MMP26: variants seen among roughly 807,000 people sequenced by gnomAD.
MMP26 encodes the protein matrix metalloproteinase-26.
Under a neutral mutation model 31.0 loss-of-function variants are expected in MMP26, and 33 were observed. That is an observed-to-expected ratio of 1.06 (90% CI 0.81 to 1.42). The LOEUF (loss-of-function observed/expected upper bound fraction) is 1.42, where lower values mean the gene tolerates loss of function less well. Among genes scored for constraint, MMP26 ranks in the 40% most tolerant of loss-of-function variants. MMP26 has a pLI of 0.00. For missense variants in MMP26, 347 were observed against 316.1 expected, an observed-to-expected ratio of 1.10 and a Z score of -0.74; for synonymous variants, 122 against 114.9, an observed-to-expected ratio of 1.06 and a Z score of -0.40.
chr11:4,848,195 T>C, intron 2 of MMP26: 1 of 1,541,988 alleles, frequency 6.5e-7, no homozygotes, highest in Non-Finnish European at 8.7e-7. Flanking sequence ...GAAACTTTAG[T>C]ATCAGGAGCC....
At chr11:4,792,627 C>T (rs1269740781) in intron 2 of MMP26, among the ~76,000 whole-genome samples, 1 of 152,118 alleles carries the variant, frequency 6.6e-6, no homozygotes, top group Non-Finnish European at 1.5e-5. Context: ...ATCAATAGTA[C>T]TTGGGTCATT....
At chr11:4,914,932 G>A (rs1341929147) in intron 2 of MMP26, 3 of 1,614,130 alleles carry the variant, frequency 1.9e-6, no homozygotes, top group South Asian at 2.2e-5. Context: ...AAACACAGGT[G>A]TTAAGGGCCT....
intron 2 of MMP26, chr11:4,923,982 T>C (rs1851228044): frequency 6.2e-7 from 1 of 1,614,044 alleles, no homozygotes; most frequent in Non-Finnish European, 8.5e-7. Context: ...TCAATGGACA[T>C]GGATAACAGA....
chr11:4,803,407 G>A (rs2053117), intron 2 of MMP26: 93,779 of 1,424,858 alleles, frequency 0.066, 6,265 homozygotes, highest in African/African-American at 0.32. Flanking sequence ...GGCAATGTAA[G>A]TGATGGGGAT....
intron 1 of MMP26, among the ~76,000 whole-genome samples, chr11:4,708,619 T>G (rs186735210): frequency 5.3e-4 from 80 of 152,284 alleles, no homozygotes; most frequent in African/African-American, 1.9e-3. Context: ...TTTCTATAGA[T>G]AAAAACAGTG....
Position 4,769,043 on chromosome 11 carries a change from A to G in MMP26, c.-145+1702A>G, listed in dbSNP as rs1443719607. 2.6e-6 allele frequency: 4 copies of G among 1,539,992 alleles called. No homozygotes were observed. In the South Asian group the frequency reaches 5.1e-5, roughly 20 times the overall value. ...TTGTTTTGTTTTTACACTGTCGATG[A>G]TGGGGTTGAGCACAGGGGGTAAAAG... On this transcript the variant is annotated intron_variant, in intron 2 of 7. Coordinates refer to ENST00000380390, the MANE Select transcript of MMP26 (RefSeq NM_021801.5).
chr11:4,732,992 T>G (rs1848194435), intron 1 of MMP26, among the ~76,000 whole-genome samples: 1 of 152,252 alleles, frequency 6.6e-6, no homozygotes, highest in African/African-American at 2.4e-5. Flanking sequence ...GGACTCTCAA[T>G]TCCAGTTCAC....
rs186413081 is a variant in MMP26 at position 4,921,133 on chromosome 11, G to T, written c.-144-66935G>T. The stretch of plus-strand genomic sequence containing the variant: ...CTGACAAATGGCAGAAAGCATAGGC[G>T]CAGCTTGTAGGACTTTTATATTCTT... On this transcript the variant is annotated intron_variant, in intron 2 of 7. Transcript: ENST00000380390. Among the ~76,000 whole-genome samples, 3 of 152,314 alleles carry T rather than the reference G, an allele frequency of 2.0e-5. No individual in the cohort carries two copies. In the South Asian group the frequency reaches 6.2e-4, roughly 32 times the overall value.
chr11:4,835,419 A>T (rs1274323152), intron 2 of MMP26, among the ~76,000 whole-genome samples: 4 of 151,648 alleles, frequency 2.6e-5, no homozygotes, highest in Non-Finnish European at 5.9e-5. Context: ...CTGTTAAGAA[A>T]TTTTTTTTTC....
rs567132497 is a variant in MMP26 at position 4,946,644 on chromosome 11, T to C, written c.-144-41424T>C. On this transcript the variant is annotated intron_variant, in intron 2 of 7. Coordinates refer to ENST00000380390, the MANE Select transcript of MMP26 (RefSeq NM_021801.5). Reference sequence around the variant, plus strand: ...AAGGGAAGAACCAGGAGCATGCTCTTAAAGGAGAATACTATCCCTATTTGG... The same window carrying C: ...AAGGGAAGAACCAGGAGCATGCTCTCAAAGGAGAATACTATCCCTATTTGG... 5 of 1,587,912 alleles carry C rather than the reference T, an allele frequency of 3.1e-6. No homozygotes were observed. The South Asian group carries it at 3.3e-5, about 11-fold the overall frequency.
rs780053181 is a variant in MMP26 at position 4,914,754 on chromosome 11, T to C, written c.-144-73314T>C. On this transcript the variant is annotated intron_variant, in intron 2 of 7. Coordinates refer to ENST00000380390, the MANE Select transcript of MMP26 (RefSeq NM_021801.5). ...AAGGCATGCGTCACTCGATCCCGGA[T>C]CTGTTTGGTCTTCACACTGTAGACA... 1.3e-5 allele frequency: 21 copies of C among 1,613,382 alleles called. No homozygotes were observed. In the South Asian group the frequency reaches 2.1e-4, roughly 16 times the overall value.
At chr11:4,722,691 C>T (rs1247251540) in intron 1 of MMP26, 15 of 732,774 alleles carry the variant, frequency 2.0e-5, no homozygotes, top group Non-Finnish European at 3.4e-5. Context: ...TGTGCTTTCC[C>T]GCAGCCGCAG....
At chr11:4,907,399 GC>G (rs1172004925) in intron 2 of MMP26, 2 of 1,613,506 alleles carry the variant, frequency 1.2e-6, no homozygotes, top group East Asian at 2.2e-5. Context: ...CCGAAGTCAA[GC>G]TTTTCCTTCT....
Position 4,952,321 on chromosome 11 carries a change from T to C in MMP26, c.-144-35747T>C, listed in dbSNP as rs181423286. ...ATTAAAGCCAACTAATTGCTCCTCA[T>C]CTTGTTAGTGGAAATGAAGTCTTTA... On this transcript the variant is annotated intron_variant, in intron 2 of 7. Coordinates refer to ENST00000380390, the MANE Select transcript of MMP26 (RefSeq NM_021801.5). Among the ~76,000 whole-genome samples, 532 of 125,200 alleles carry C rather than the reference T, an allele frequency of 4.2e-3. 150 individuals carry two copies. Among genetic ancestry groups the C allele is most frequent in the Non-Finnish European group, 7.5e-3 (415 of 55,126 alleles). The allele number at this position is 125,200 out of a possible 152,430, so 82.1% of individuals were successfully genotyped here.
chr11:4,983,455 C>T (rs1344394991), intron 2 of MMP26, among the ~76,000 whole-genome samples: 3 of 152,172 alleles, frequency 2.0e-5, no homozygotes, highest in South Asian at 4.1e-4. Context: ...CACTCTTTAC[C>T]TGAGTAACAG....
chr11:4,777,960 T>G (rs1848810172), intron 2 of MMP26, among the ~76,000 whole-genome samples: 1 of 152,120 alleles, frequency 6.6e-6, no homozygotes, highest in Non-Finnish European at 1.5e-5. Context: ...TTTCAATGGT[T>G]ATATACCTGA....
At position 4,776,694 on chromosome 11, in the gene MMP26, C is replaced by G. The variant is rs77154407; in HGVS notation, c.-145+9353C>G. 9.6e-3 allele frequency among the ~76,000 whole-genome samples: 1,459 copies of G among 152,170 alleles called. 24 individuals are homozygous for G. The highest frequency in any genetic ancestry group is 0.033 in the African/African-American group (1,374 of 41,488). The stretch of plus-strand genomic sequence containing the variant: ...GATAATAAGTGAATTCTCATGATAT[C>G]TGGTTGTTTGAAAGTGTGTGGCATT... On this transcript the variant is annotated intron_variant, in intron 2 of 7. Coordinates refer to ENST00000380390, the MANE Select transcript of MMP26 (RefSeq NM_021801.5).
At chr11:4,766,360 A>G (rs1235414449) in intron 1 of MMP26, among the ~76,000 whole-genome samples, 1 of 152,184 alleles carries the variant, frequency 6.6e-6, no homozygotes, top group Non-Finnish European at 1.5e-5. Context: ...CCCAAGGATT[A>G]TAAGGACTTT....
At chr11:4,959,095 G>A (rs368487241) in intron 2 of MMP26, among the ~76,000 whole-genome samples, 17 of 152,014 alleles carry the variant, frequency 1.1e-4, no homozygotes, top group African/African-American at 2.9e-4. Flanking sequence ...AAAATTAGCC[G>A]GGCGTGGTGG....
Sources: gnomAD v4.1 joint callset for allele counts (sites outside exome capture counted in the v4.1 genomes callset) on GRCh38, gnomAD v4.1.1 for gene constraint, MANE v1.5 for transcripts, NCBI Gene and HGNC (gene_info 2026-07-23, HGNC 2026-07-21) for gene names.